Variants in PTPRT observed in about 807,000 individuals in gnomAD.
The protein encoded by PTPRT is receptor-type tyrosine-protein phosphatase T.
In PTPRT, 56 loss-of-function variants were observed where a neutral mutation model predicts 176.8. That is an observed-to-expected ratio of 0.32 (90% CI 0.26 to 0.40). The LOEUF is 0.40. Among genes scored for constraint, PTPRT ranks in the 10% least tolerant of loss-of-function variants. The pLI is 1.00. For synonymous variants in PTPRT, 783 were observed against 739.0 expected, an observed-to-expected ratio of 1.06 and a Z score of -0.96; for missense variants, 1,540 against 1,908.2, an observed-to-expected ratio of 0.81 and a Z score of 3.60.
chr20:42,097,568 A>T (rs1284567025), intron 27 of PTPRT, among the ~76,000 whole-genome samples: 1 of 152,176 alleles, frequency 6.6e-6, no homozygotes, highest in South Asian at 2.1e-4. Context: ...ACACAGCCAC[A>T]TGAGGTTGGG....
At chr20:42,475,910 G>A (rs2071280629) in intron 7 of PTPRT, among the ~76,000 whole-genome samples, 1 of 152,160 alleles carries the variant, frequency 6.6e-6, no homozygotes, top group Non-Finnish European at 1.5e-5. Flanking sequence ...TACAGGAAAA[G>A]CCACTTGTTC....
At chr20:42,585,897 C>T (rs1165757994) in intron 7 of PTPRT, among the ~76,000 whole-genome samples, 1 of 152,050 alleles carries the variant, frequency 6.6e-6, no homozygotes, top group Non-Finnish European at 1.5e-5. Flanking sequence ...ATGTCTGTAA[C>T]ATATTGACAT....
chr20:42,036,573 A>G, the PTPRT span, among the ~76,000 whole-genome samples: 1 of 152,190 alleles, frequency 6.6e-6, no homozygotes, highest in African/African-American at 2.4e-5. Flanking sequence ...TTAGCAAATA[A>G]GATAATGATT....
At chr20:42,924,406 G>A (rs1269983185) in intron 1 of PTPRT, among the ~76,000 whole-genome samples, 1 of 152,156 alleles carries the variant, frequency 6.6e-6, no homozygotes, top group Non-Finnish European at 1.5e-5. Context: ...GCATTCACTA[G>A]CATCTGAGGC....
chr20:42,660,753 T>C (rs2075208571), intron 7 of PTPRT, among the ~76,000 whole-genome samples: 1 of 152,152 alleles, frequency 6.6e-6, no homozygotes, highest in African/African-American at 2.4e-5. Context: ...GAGTATATAG[T>C]CTAATGGAAA....
At chr20:42,735,862 C>T (rs987053207) in intron 6 of PTPRT, among the ~76,000 whole-genome samples, 5 of 152,016 alleles carry the variant, frequency 3.3e-5, no homozygotes, top group Non-Finnish European at 5.9e-5. Context: ...AGCCACTCGG[C>T]CCTCAACTTC....
At chr20:42,289,540 T>C (rs1430548100) in intron 12 of PTPRT, among the ~76,000 whole-genome samples, 9 of 152,098 alleles carry the variant, frequency 5.9e-5, no homozygotes, top group Non-Finnish European at 8.8e-5. Context: ...ATGCTCAGCA[T>C]TGTTAATCAT....
intron 6 of PTPRT, among the ~76,000 whole-genome samples, chr20:42,755,325 C>T (rs2145400846): frequency 6.6e-6 from 1 of 152,264 alleles, no homozygotes; most frequent in South Asian, 2.1e-4. Flanking sequence ...TTTCCACACC[C>T]ACCCATACTT....
At chr20:42,771,306 G>T in intron 5 of PTPRT, 129 bp downstream of exon 5, 1 of 808,544 alleles carries the variant, frequency 1.2e-6, no homozygotes, top group Non-Finnish European at 2.0e-6. Context: ...GGGCTCCGGT[G>T]CTAGCTGTTG....
At chr20:42,610,379 G>GTTTTTTTTTTTTTTTTTTTT (rs74271793) in intron 7 of PTPRT, among the ~76,000 whole-genome samples, 1 of 136,432 alleles carries the variant, frequency 7.3e-6, no homozygotes. Context: ...TACTTGTTTT[G>GTTTTTTTTTTTTTTTTTTTT]TTTTTTTTTT....
intron 3 of PTPRT, among the ~76,000 whole-genome samples, chr20:42,787,057 T>C (rs1389455043): frequency 6.6e-6 from 1 of 152,244 alleles, no homozygotes; most frequent in East Asian, 1.9e-4. Context: ...ACTGCTTTCA[T>C]GGTACAATGG....
intron 6 of PTPRT, among the ~76,000 whole-genome samples, chr20:42,697,303 G>A (rs948312216): frequency 2.6e-5 from 4 of 152,176 alleles, no homozygotes; most frequent in African/African-American, 9.7e-5. Context: ...GAAGGACACT[G>A]TCAAAGGAGG....
intron 12 of PTPRT, among the ~76,000 whole-genome samples, chr20:42,313,031 C>T (rs1289069473): frequency 6.6e-6 from 1 of 151,982 alleles, no homozygotes; most frequent in Non-Finnish European, 1.5e-5. Context: ...AAGATACAGG[C>T]CACAAAGACC....
At position 42,177,153 on chromosome 20, in the gene PTPRT, C is replaced by T. The variant is rs927588233; in HGVS notation, c.2492-15611G>A. 4.6e-5 allele frequency among the ~76,000 whole-genome samples: 7 copies of T among 152,292 alleles called. No individual in the cohort carries two copies. The East Asian group carries it at 1.2e-3, about 25-fold the overall frequency. On this transcript the variant is annotated intron_variant, in intron 16 of 30. Coordinates refer to ENST00000373187, the MANE Select transcript of PTPRT (RefSeq NM_007050.6). ...TGTAATGTACATATCTAGAGATCTT[C>T]TATAGGCAGATTCTAATACAGTGGG...
intron 7 of PTPRT, among the ~76,000 whole-genome samples, chr20:42,586,145 C>A (rs985707601): frequency 6.6e-6 from 1 of 152,156 alleles, no homozygotes; most frequent in Non-Finnish European, 1.5e-5. Context: ...ATTAAAGGCA[C>A]GTTCAATGTT....
intron 1 of PTPRT, among the ~76,000 whole-genome samples, chr20:42,974,553 A>G (rs1456852396): frequency 6.6e-6 from 1 of 152,090 alleles, no homozygotes; most frequent in Non-Finnish European, 1.5e-5. Flanking sequence ...CTTTCACTCT[A>G]CACTGACTCA....
chr20:42,408,314 A>G (rs949780876), intron 9 of PTPRT, among the ~76,000 whole-genome samples: 1 of 152,290 alleles, frequency 6.6e-6, no homozygotes, highest in South Asian at 2.1e-4. Flanking sequence ...CAGAAATACC[A>G]GAAGAGATTC....
chr20:42,719,859 A>T (rs373866908), intron 6 of PTPRT, among the ~76,000 whole-genome samples: 1 of 152,166 alleles, frequency 6.6e-6, no homozygotes, highest in East Asian at 1.9e-4. Flanking sequence ...AACACCTGCC[A>T]CTCTGACACA....
chr20:42,148,036 G>C (rs1469515824), intron 17 of PTPRT, among the ~76,000 whole-genome samples: 1 of 152,154 alleles, frequency 6.6e-6, no homozygotes, highest in South Asian at 2.1e-4. Context: ...TTTTCCATTA[G>C]TGGCTAGTTA....
Sources: gnomAD v4.1 joint callset for allele counts (sites outside exome capture counted in the v4.1 genomes callset) on GRCh38, gnomAD v4.1.1 for gene constraint, MANE v1.5 for transcripts, NCBI Gene and HGNC (gene_info 2026-07-23, HGNC 2026-07-21) for gene names.